SEMA5A: variants seen among roughly 807,000 people sequenced by gnomAD.
SEMA5A encodes semaphorin-5A.
Under a neutral mutation model 135.5 loss-of-function variants are expected in SEMA5A, and 55 were observed. The observed-to-expected ratio is 0.41, with a 90% CI of 0.33 to 0.51. The LOEUF (loss-of-function observed/expected upper bound fraction) is 0.51. Ranked by LOEUF, SEMA5A falls within the 20% of genes least tolerant of loss-of-function variation. The pLI, the probability that SEMA5A is intolerant of heterozygous loss-of-function variation, is 0.37. For synonymous variants in SEMA5A, 580 were observed against 546.5 expected, an observed-to-expected ratio of 1.06 and a Z score of -0.85; for missense variants, 1,290 against 1,419.9, an observed-to-expected ratio of 0.91 and a Z score of 1.47.
rs1420751267 is a variant in SEMA5A, at chr5:9,039,115, A to C, written c.*3782T>G. ...CAGCAAAATAGGCTTTGACTCCCAC[A>C]GTTTCCATCCTTTTGCAGATAAATA... On this transcript the variant is annotated 3_prime_UTR_variant, in exon 23 of 23. Coordinates refer to ENST00000382496, the MANE Select transcript of SEMA5A (RefSeq NM_003966.3). The C allele has an allele frequency of 6.6e-6, 1 of 152,278 alleles. No homozygotes were observed. The highest frequency in any genetic ancestry group is 1.5e-5 in the Non-Finnish European group (1 of 68,092). 9.4% of individuals were successfully genotyped at this position (152,278 alleles called of 1,614,324 possible).
At chr5:9,509,690 C>T (rs549135782) in intron 1 of SEMA5A, among the ~76,000 whole-genome samples, 1 of 152,304 alleles carries the variant, frequency 6.6e-6, no homozygotes, top group East Asian at 1.9e-4. Context: ...ATACTCTAAA[C>T]TCTGTAAGAA....
rs558339892 is a variant in SEMA5A, at chr5:9,205,465, G to A, written c.647-3225C>T. 3.3e-5 allele frequency among the ~76,000 whole-genome samples: 5 copies of A among 152,136 alleles called. No individual in the cohort carries two copies. The South Asian group carries it at 6.2e-4, about 19-fold the overall frequency. ...CAGAGAGCCAATAAATGACTTTCAC[G>A]AGGTCATTCTGTACCCTGTGTCTGT... is the stretch of plus-strand genomic sequence containing the variant. On this transcript the variant is annotated intron_variant, in intron 8 of 22. Coordinates refer to ENST00000382496, the MANE Select transcript of SEMA5A (RefSeq NM_003966.3).
At chr5:9,371,676 A>C (rs1755142154) in intron 3 of SEMA5A, among the ~76,000 whole-genome samples, 1 of 152,226 alleles carries the variant, frequency 6.6e-6, no homozygotes, top group Non-Finnish European at 1.5e-5. Flanking sequence ...TGTGATTTTG[A>C]CATTACATCA....
At chr5:9,414,263 C>T (rs1757207391) in intron 2 of SEMA5A, among the ~76,000 whole-genome samples, 1 of 152,194 alleles carries the variant, frequency 6.6e-6, no homozygotes, top group African/African-American at 2.4e-5. Context: ...AAGCATAAGA[C>T]ATGGAAAACT....
intron 14 of SEMA5A, among the ~76,000 whole-genome samples, chr5:9,119,988 G>C (rs77935230): frequency 0.01 from 1,575 of 151,984 alleles, 19 homozygotes; most frequent in Non-Finnish European, 0.019. Context: ...TTTTAGTATT[G>C]TATTTTTTCC....
intron 1 of SEMA5A, among the ~76,000 whole-genome samples, chr5:9,507,449 CTT>C (rs1735955511): frequency 6.6e-6 from 1 of 152,174 alleles, no homozygotes; most frequent in Admixed American, 6.5e-5. Flanking sequence ...AATTGACTCT[CTT>C]GTCATATATG....
intron 19 of SEMA5A, among the ~76,000 whole-genome samples, chr5:9,053,239 G>C (rs1405595264): frequency 6.6e-6 from 1 of 152,188 alleles, no homozygotes; most frequent in South Asian, 2.1e-4. Flanking sequence ...GCCACAGGGA[G>C]CTTGAAGCGA....
chr5:9,183,498 A>G (rs1010600822), intron 11 of SEMA5A, among the ~76,000 whole-genome samples: 1 of 152,184 alleles, frequency 6.6e-6, no homozygotes, highest in Admixed American at 6.5e-5. Context: ...CCAGCTGCTC[A>G]GCATCAACTG....
chr5:9,528,085 A>G (rs1246748192), intron 1 of SEMA5A, among the ~76,000 whole-genome samples: 1 of 152,230 alleles, frequency 6.6e-6, no homozygotes, highest in East Asian at 1.9e-4. Flanking sequence ...GAAATGAAAT[A>G]GAATATGATC....
chr5:9,529,234 C>T (rs1737310278), intron 1 of SEMA5A, among the ~76,000 whole-genome samples: 1 of 152,244 alleles, frequency 6.6e-6, no homozygotes, highest in South Asian at 2.1e-4. Context: ...GGGCTACCCA[C>T]CTGCACCTGC....
intron 3 of SEMA5A, among the ~76,000 whole-genome samples, chr5:9,356,661 T>C (rs1008958224): frequency 2.0e-5 from 3 of 152,208 alleles, no homozygotes; most frequent in East Asian, 1.9e-4. Flanking sequence ...CAAGCCAGCA[T>C]GCTTTTGTGT....
rs555168976 is a variant in SEMA5A at position 9,379,847 on chromosome 5, C to T, written c.100G>A (p.Glu34Lys). 6.8e-6 allele frequency: 11 copies of T among 1,613,888 alleles called. 1 individual carries two copies. Among genetic ancestry groups the T allele is most frequent in the East Asian group, 6.7e-5 (3 of 44,868 alleles). The change falls in exon 3 of 23, where the codon GAG becomes AAG. Residue 34 changes from glutamate to lysine, a missense_variant. By Grantham distance (56) the Glu-to-Lys change is moderately conservative. Coordinates refer to ENST00000382496, the MANE Select transcript of SEMA5A (RefSeq NM_003966.3). ...CCTTTATAGGAGATGACTGGATGCTCGGTTCTCTGGCACTGAGTCGTACCC... is the reference window on the plus strand; with the variant it reads ...CCTTTATAGGAGATGACTGGATGCTTGGTTCTCTGGCACTGAGTCGTACCC... Reference protein sequence around the residue: ...AQGTTQCQRTEHPVISYKEIG... With the variant: ...AQGTTQCQRTKHPVISYKEIG...
At chr5:9,310,973 G>A (rs994064929) in intron 5 of SEMA5A, among the ~76,000 whole-genome samples, 5 of 151,650 alleles carry the variant, frequency 3.3e-5, no homozygotes, top group Non-Finnish European at 5.9e-5. Flanking sequence ...AATCTAAACC[G>A]AAAAATTCCC....
chr5:9,400,501 ATTTTT>A (rs1215358817), intron 2 of SEMA5A, among the ~76,000 whole-genome samples: 1 of 87,038 alleles, frequency 1.1e-5, no homozygotes, highest in African/African-American at 5.1e-5. Context: ...CACAATGTAC[ATTTTT>A]TTTTTTTTTT....
chr5:9,302,689 T>A (rs1751668310), intron 5 of SEMA5A, among the ~76,000 whole-genome samples: 1 of 152,148 alleles, frequency 6.6e-6, no homozygotes, highest in East Asian at 1.9e-4. Flanking sequence ...AAGATAAACC[T>A]TTAGAAATTG....
At chr5:9,357,831 C>T (rs1275916994) in intron 3 of SEMA5A, among the ~76,000 whole-genome samples, 1 of 152,212 alleles carries the variant, frequency 6.6e-6, no homozygotes, top group Non-Finnish European at 1.5e-5. Context: ...TAAGGCAAAA[C>T]TTACTTAGCT....
chr5:9,485,461 G>A (rs941287115), intron 1 of SEMA5A, among the ~76,000 whole-genome samples: 16 of 152,090 alleles, frequency 1.1e-4, no homozygotes, highest in African/African-American at 2.7e-4. Context: ...GGGATGCCCC[G>A]AGCTCAGAGA....
chr5:9,276,441 C>T (rs1750265084), intron 5 of SEMA5A, among the ~76,000 whole-genome samples: 1 of 152,150 alleles, frequency 6.6e-6, no homozygotes, highest in Admixed American at 6.5e-5. Context: ...ACTTTCCTCA[C>T]AGAATTGGAA....
intron 8 of SEMA5A, among the ~76,000 whole-genome samples, chr5:9,208,322 T>C (rs1234674805): frequency 6.6e-6 from 1 of 152,184 alleles, no homozygotes; most frequent in Non-Finnish European, 1.5e-5. Context: ...GCAGGGACCA[T>C]GCTACAGACG....
Sources: allele counts gnomAD v4.1 joint callset (sites outside exome capture counted in the v4.1 genomes callset), GRCh38; gene constraint gnomAD v4.1.1; transcripts MANE v1.5; gene names NCBI Gene and HGNC (gene_info 2026-07-23, HGNC 2026-07-21).